MTBP: variants seen among roughly 807,000 people sequenced by gnomAD.
MTBP encodes MDM2 binding protein.
In MTBP, 101 loss-of-function variants were observed where a neutral mutation model predicts 117.0. The observed-to-expected ratio is 0.86, with a 90% CI of 0.73 to 1.02. The LOEUF (loss-of-function observed/expected upper bound fraction) is 1.02. MTBP is among the 50% of genes least tolerant of loss of function. The pLI is 0.00. For synonymous variants in MTBP, 350 were observed against 351.5 expected (o/e 1.00, Z 0.05); for missense variants, 970 against 1,030.9 (o/e 0.94, Z 0.81).
intron 9 of MTBP, among the ~76,000 whole-genome samples, chr8:120,462,986 A>G (rs373049594): frequency 2.6e-5 from 4 of 152,126 alleles, no homozygotes; most frequent in African/African-American, 9.7e-5. Context: ...CATAATATTC[A>G]GTATACTTTT....
chr8:120,513,782 T>A (rs1814862865), intron 17 of MTBP, among the ~76,000 whole-genome samples: 1 of 152,006 alleles, frequency 6.6e-6, no homozygotes, highest in African/African-American at 2.4e-5. Flanking sequence ...ACTCTTGAAA[T>A]TCACATTTCC....
chr8:120,488,405 T>C, intron 12 of MTBP, 73 bp downstream of exon 12: 1 of 1,105,224 alleles, frequency 9.0e-7, no homozygotes, highest in East Asian at 3.1e-5. Flanking sequence ...TGGCTTTAAG[T>C]AGAAGAAATA....
At chr8:120,455,259 C>T (rs548088981) in intron 5 of MTBP, among the ~76,000 whole-genome samples, 176 bp from the exon 6 acceptor site, 31 of 151,904 alleles carry the variant, frequency 2.0e-4, no homozygotes, top group Non-Finnish European at 3.5e-4. Context: ...TTCCTAAGGG[C>T]GTATATTGTT....
Position 120,496,741 on chromosome 8 carries a change from G to C in MTBP, c.1448-652G>C, listed in dbSNP as rs554230793. On this transcript the variant is annotated intron_variant, in intron 13 of 21. Coordinates refer to ENST00000305949, the MANE Select transcript of MTBP (RefSeq NM_022045.5). ...AAAAAGAAAAAAAAATGCAAGCAGT[G>C]TTGCCTATCTAATAGGAATAGCTTG... Among the ~76,000 whole-genome samples the C allele has an allele frequency of 6.6e-4, 100 of 151,546 alleles. 1 individual carries two copies. Among genetic ancestry groups the C allele is most frequent in the African/African-American group, 2.3e-3 (95 of 41,386 alleles).
At chr8:120,449,685 T>G (rs528878773) in intron 2 of MTBP, among the ~76,000 whole-genome samples, 231 of 152,222 alleles carry the variant, frequency 1.5e-3, no homozygotes, top group Non-Finnish European at 2.5e-3. Flanking sequence ...TGAACACCAG[T>G]TTTTAAAAAG....
chr8:120,500,343 G>A (rs1042533231), intron 14 of MTBP, among the ~76,000 whole-genome samples: 5 of 151,828 alleles, frequency 3.3e-5, no homozygotes, highest in African/African-American at 1.2e-4. Flanking sequence ...ACATATGAAT[G>A]TTTTCCCACC....
At chr8:120,500,859 C>T (rs530773858) in intron 14 of MTBP, among the ~76,000 whole-genome samples, 2 of 151,764 alleles carry the variant, frequency 1.3e-5, no homozygotes, top group South Asian at 2.1e-4. Context: ...ATGTTCGAGA[C>T]CAACCTGGCC....
rs186853459 is a variant in MTBP, at chr8:120,519,365, T to A, written c.2610+548T>A. On this transcript the variant is annotated intron_variant, in intron 20 of 21. Transcript: ENST00000305949. Reference sequence around the variant, plus strand: ...ATCATCCTTCGCAGAGACCAAGGGATGACTGTGTAGTAAAAAGGCTACTGG... The same window carrying A: ...ATCATCCTTCGCAGAGACCAAGGGAAGACTGTGTAGTAAAAAGGCTACTGG... Among the ~76,000 whole-genome samples, 502 of 152,214 alleles carry A rather than the reference T, an allele frequency of 3.3e-3. 3 individuals carry two copies. The highest frequency in any genetic ancestry group is 0.01 in the South Asian group (49 of 4,830).
Position 120,497,568 on chromosome 8 carries a change from T to C in MTBP, c.1609+14T>C, listed in dbSNP as rs1260581391. The C allele has an allele frequency of 1.5e-6, 2 of 1,363,376 alleles. No homozygotes were observed. Among genetic ancestry groups the C allele is most frequent in the African/African-American group, 3.7e-5 (2 of 53,648 alleles). The allele number at this position is 1,363,376 out of a possible 1,614,324, so 84.5% of individuals were successfully genotyped here. ...ATATATTAAATGGTAAGTTTTTTAT[T>C]ACTTTAAATTTTAGTTCGTGTGTGT... On this transcript the variant is annotated intron_variant, in intron 14 of 21. Coordinates refer to ENST00000305949, the MANE Select transcript of MTBP (RefSeq NM_022045.5).
At position 120,461,147 on chromosome 8, in the gene MTBP, A is replaced by G; in HGVS notation, c.883-14A>G. On this transcript the variant is annotated splice_polypyrimidine_tract_variant and intron_variant, in intron 8 of 21. Coordinates refer to ENST00000305949, the MANE Select transcript of MTBP (RefSeq NM_022045.5). ...TGGTATTTAAATATTACACAATTTT[A>G]ATTTCTTTTCTAGGTTTTCCATTAT... The G allele has an allele frequency of 6.6e-7, 1 of 1,512,280 alleles. No homozygotes were observed. Among genetic ancestry groups the G allele is most frequent in the Non-Finnish European group, 9.2e-7 (1 of 1,091,284 alleles). 93.7% of individuals were successfully genotyped at this position (1,512,280 alleles called of 1,614,324 possible). A position where few individuals can be genotyped will look rare whatever the true frequency, so the allele number is the denominator to read the frequency against.
At chr8:120,470,761 C>A in intron 10 of MTBP, 59 bp from the exon 11 acceptor site, 2 of 1,206,492 alleles carry the variant, frequency 1.7e-6, no homozygotes, top group South Asian at 1.4e-5. Flanking sequence ...TGTCAACTGG[C>A]ACTATTCAAG....
rs146965434 is a variant in MTBP, at chr8:120,488,178, A to G, written c.1185A>G (p.Lys395=). 1.2e-4 allele frequency: 186 copies of G among 1,582,614 alleles called. 3 individuals carry two copies. In the African/African-American group the frequency reaches 1.9e-3, roughly 16 times the overall value. Residue 395 remains lysine, a synonymous_variant, in exon 12 of 22, where the codon AAA becomes AAG. Transcript: ENST00000305949. The part of the protein sequence containing the change: ...KTISVPDVEV[K]GECSSYYLLL... ...GTTTAGTTCCAGATGTTGAAGTGAA[A>G]GGAGAGTGTTCTAGCTATTATCTCT...
chr8:120,490,928 C>A (rs1814332567), intron 13 of MTBP, among the ~76,000 whole-genome samples: 1 of 151,944 alleles, frequency 6.6e-6, no homozygotes, highest in Admixed American at 6.6e-5. Context: ...AAGTTGGGTG[C>A]TACAAATAGG....
chr8:120,471,425 C>T (rs901421293), intron 11 of MTBP: 1 of 152,738 alleles, frequency 6.5e-6, no homozygotes, highest in African/African-American at 2.4e-5. Flanking sequence ...GCTTCAGCCT[C>T]CCAAGTATAT....
At chr8:120,452,999 A>G (rs1813390798) in intron 4 of MTBP, among the ~76,000 whole-genome samples, 1 of 152,178 alleles carries the variant, frequency 6.6e-6, no homozygotes, top group Non-Finnish European at 1.5e-5. Context: ...CTATATAATA[A>G]ACTTTTTTGA....
Position 120,518,724 on chromosome 8 carries a change from T to C in MTBP, c.2517T>C (p.Thr839=), listed in dbSNP as rs1353225213. 3.1e-6 allele frequency: 5 copies of C among 1,609,906 alleles called. No homozygotes were observed. Among genetic ancestry groups the C allele is most frequent in the Non-Finnish European group, 4.2e-6 (5 of 1,177,538 alleles). ...KHTRILKEVV[T]ETLKKHSITE... ...TCAAGATACTGAAAGAAGTAGTTAC[T>C]GAAACCCTGAAGAAACACAGTATTA... Residue 839 remains threonine, a synonymous_variant, in exon 20 of 22, where the codon ACT becomes ACC. Transcript: ENST00000305949.
chr8:120,497,598 C>A (rs1239659099), intron 14 of MTBP, 44 bp downstream of exon 14: 1 of 1,115,830 alleles, frequency 9.0e-7, no homozygotes, highest in Non-Finnish European at 1.3e-6. Flanking sequence ...GTGTGTGTGG[C>A]AACTATGACA....
intron 12 of MTBP, 64 bp downstream of exon 12, chr8:120,488,396 G>C: frequency 8.1e-7 from 1 of 1,237,320 alleles, no homozygotes; most frequent in African/African-American, 1.6e-5. Context: ...TAGCATATGT[G>C]GCTTTAAGTA....
intron 13 of MTBP, among the ~76,000 whole-genome samples, chr8:120,495,299 T>A (rs1814427983): frequency 6.6e-6 from 1 of 152,214 alleles, no homozygotes; most frequent in Non-Finnish European, 1.5e-5. Context: ...AAGTCAAATA[T>A]AATTCCTATT....
Sources: allele counts gnomAD v4.1 joint callset (sites outside exome capture counted in the v4.1 genomes callset), GRCh38; gene constraint gnomAD v4.1.1; transcripts MANE v1.5; gene names NCBI Gene and HGNC (gene_info 2026-07-23, HGNC 2026-07-21).